CEP162: variants seen among roughly 807,000 people sequenced by gnomAD.
The protein encoded by CEP162 is centrosomal protein of 162 kDa.
CEP162 carries 141 observed loss-of-function variants against 169.2 expected under a neutral mutation model. That is an observed-to-expected ratio of 0.83 (90% CI 0.73 to 0.96). The LOEUF (loss-of-function observed/expected upper bound fraction) is 0.96. Ranked by LOEUF, CEP162 falls within the 40% of genes least tolerant of loss-of-function variation. The pLI is 0.00. For synonymous variants in CEP162, 540 were observed against 526.4 expected, an observed-to-expected ratio of 1.03 and a Z score of -0.35; for missense variants, 1,600 against 1,587.2, an observed-to-expected ratio of 1.01 and a Z score of -0.14.
At chr6:84,165,258 T>C (rs1006028477) in intron 18 of CEP162, among the ~76,000 whole-genome samples, 4 of 151,956 alleles carry the variant, frequency 2.6e-5, no homozygotes, top group Admixed American at 2.6e-4. Flanking sequence ...CCACCTGACA[T>C]ATAAAATGCA....
chr6:84,159,492 A>G lies in CEP162; in HGVS notation c.2781+1320T>C, dbSNP rs538062229. Among the ~76,000 whole-genome samples, 7 of 136,452 alleles carry G rather than the reference A, an allele frequency of 5.1e-5. No homozygotes were observed. In the South Asian group the frequency reaches 1.6e-3, roughly 31 times the overall value. The allele number at this position is 136,452 out of a possible 152,430, so 89.5% of individuals were successfully genotyped here. ...AATGCTGGACTATACTTACTTCAGAATATTTCTAGTTCTTTTTTAAAATTA... is the reference window on the plus strand; with the variant it reads ...AATGCTGGACTATACTTACTTCAGAGTATTTCTAGTTCTTTTTTAAAATTA... On this transcript the variant is annotated intron_variant, in intron 21 of 26. Transcript: ENST00000403245.
At chr6:84,136,170 T>C (rs974445885) in intron 25 of CEP162, among the ~76,000 whole-genome samples, 1 of 152,240 alleles carries the variant, frequency 6.6e-6, no homozygotes, top group Non-Finnish European at 1.5e-5. Flanking sequence ...GGATAACTAC[T>C]GGACAAAAAC....
chr6:84,195,093 A>C lies in CEP162; in HGVS notation c.836-18T>G. The stretch of plus-strand genomic sequence containing the variant: ...AGAAACACCTGTTGAAATAAACGTA[A>C]TCACCAGAAATAATTACATCACAAA... On this transcript the variant is annotated intron_variant, in intron 9 of 26. Transcript: ENST00000403245. 1 of 1,521,876 alleles carries C rather than the reference A, an allele frequency of 6.6e-7. No individual in the cohort carries two copies. The highest frequency in any genetic ancestry group is 8.9e-7 in the Non-Finnish European group (1 of 1,129,150). 94.3% of individuals were successfully genotyped at this position (1,521,876 alleles called of 1,614,324 possible). A position where few individuals can be genotyped will look rare whatever the true frequency, so the allele number is the denominator to read the frequency against.
At position 84,125,229 on chromosome 6, in the gene CEP162, T is replaced by G. The variant is rs760933800; in HGVS notation, c.4053A>C (p.Glu1351Asp). The stretch of plus-strand genomic sequence containing the variant: ...GTGCCAGTCTTTTCCATTTTTCAAC[T>G]TCTTTGTTTTGCTCAGTTTCTACTA... ...HQVVETEQNK[E>D]VEKWKRLAQL... Residue 1351 changes from glutamate to aspartate, a missense_variant, in exon 27 of 27, where the codon GAA becomes GAC. Physicochemically the swap from Glu to Asp is conservative, Grantham distance 45. Transcript: ENST00000403245. 2 of 1,613,578 alleles carry G rather than the reference T, an allele frequency of 1.2e-6. No individual in the cohort carries two copies. The highest frequency in any genetic ancestry group is 1.7e-6 in the Non-Finnish European group (2 of 1,179,666).
chr6:84,129,451 T>C (rs569588166), intron 25 of CEP162, among the ~76,000 whole-genome samples: 1 of 152,356 alleles, frequency 6.6e-6, no homozygotes, highest in South Asian at 2.1e-4. Context: ...GATGAGCTTT[T>C]TTTCATATGT....
chr6:84,161,633 A>G, intron 20 of CEP162, 113 bp downstream of exon 20: 1 of 777,242 alleles, frequency 1.3e-6, no homozygotes, highest in Non-Finnish European at 2.1e-6. Flanking sequence ...GATCTTAATT[A>G]ATAGTTCAGA....
At chr6:84,169,204 G>C in intron 18 of CEP162, 124 bp downstream of exon 18, 3 of 617,722 alleles carry the variant, frequency 4.9e-6, no homozygotes, top group Non-Finnish European at 5.5e-6. Flanking sequence ...AGTTTTAAAT[G>C]GTATGAAATT....
chr6:84,127,785 G>A (rs1049947746), intron 25 of CEP162, among the ~76,000 whole-genome samples: 14 of 152,092 alleles, frequency 9.2e-5, no homozygotes, highest in Non-Finnish European at 1.6e-4. Context: ...AAACAGTCAA[G>A]TGAATGAGAA....
rs753188338 is a variant in CEP162 at position 84,186,514 on chromosome 6, CA to C, written c.1218del (p.Phe406LeufsTer8). ...AAAATCACATTCTCATCATTTTTGT[CA>C]AAAAAAAGGTTCACATGTTGTGAGT... ...SQDSQHVNLF[F>X]DKNDENVILQ... On this transcript the variant is annotated frameshift_variant, in exon 12 of 27. Coordinates refer to ENST00000403245, the MANE Select transcript of CEP162 (RefSeq NM_014895.4). LOFTEE classifies it high-confidence loss of function. The C allele has an allele frequency of 6.4e-5, 103 of 1,608,808 alleles. No homozygotes were observed. The highest frequency in any genetic ancestry group is 2.2e-4 in the East Asian group (10 of 44,724).
At chr6:84,196,141 T>C (rs1015016514) in intron 9 of CEP162, among the ~76,000 whole-genome samples, 1 of 152,198 alleles carries the variant, frequency 6.6e-6, no homozygotes, top group African/African-American at 2.4e-5. Flanking sequence ...ACTCCCACAA[T>C]TCTCATGTGT....
At chr6:84,150,430 A>G (rs1429177622) in intron 23 of CEP162, among the ~76,000 whole-genome samples, 1 of 152,176 alleles carries the variant, frequency 6.6e-6, no homozygotes, top group Non-Finnish European at 1.5e-5. Flanking sequence ...CTATATATTA[A>G]TATGGTGCTT....
At chr6:84,165,110 C>CA (rs1356030556) in intron 18 of CEP162, among the ~76,000 whole-genome samples, 2 of 151,672 alleles carry the variant, frequency 1.3e-5, no homozygotes, top group African/African-American at 4.8e-5. Flanking sequence ...GATAGCCAGG[C>CA]AGTTTCCTCC....
chr6:84,144,545 A>G (rs2099518042), intron 25 of CEP162, among the ~76,000 whole-genome samples: 1 of 152,122 alleles, frequency 6.6e-6, no homozygotes, highest in South Asian at 2.1e-4. Flanking sequence ...CTATAAATAC[A>G]AAGTGTTTTT....
rs1562058140 is a variant in CEP162, at chr6:84,186,570, A to C, written c.1163T>G (p.Leu388Arg). ...KETEFFSSLP[L>R]KMNPNILSQD... ...AGACAAAATATTTGGGTTCATCTTC[A>C]GGGGTAAAGAGCTAAAAAATTCAGT... The change falls in exon 12 of 27, where the codon CTG becomes CGG. Residue 388 changes from leucine (L) to arginine (R), a missense_variant. By Grantham distance (102) the Leu-to-Arg change is moderately radical. Coordinates refer to ENST00000403245, the MANE Select transcript of CEP162 (RefSeq NM_014895.4). 6.2e-7 allele frequency: 1 copy of C among 1,610,098 alleles called. No individual in the cohort carries two copies. The highest frequency in any genetic ancestry group is 8.5e-7 in the Non-Finnish European group (1 of 1,178,294).
rs1562106245 is a variant in CEP162, at chr6:84,226,463, A to T, written c.-59-11T>A. 3 of 1,075,886 alleles carry T rather than the reference A, an allele frequency of 2.8e-6. No homozygotes were observed. The highest frequency in any genetic ancestry group is 1.4e-6 in the Non-Finnish European group (1 of 720,454). 66.6% of individuals were successfully genotyped at this position (1,075,886 alleles called of 1,614,324 possible). A position where few individuals can be genotyped will look rare whatever the true frequency, so the allele number is the denominator to read the frequency against. ...CAAACATTGGAAACACTAAATGACA[A>T]GAGACATAAACATCTTTTGAGGAAA... On this transcript the variant is annotated splice_polypyrimidine_tract_variant and intron_variant, in intron 1 of 26. Coordinates refer to ENST00000403245, the MANE Select transcript of CEP162 (RefSeq NM_014895.4).
At chr6:84,138,172 T>C (rs555856647) in intron 25 of CEP162, among the ~76,000 whole-genome samples, 223 of 152,322 alleles carry the variant, frequency 1.5e-3, no homozygotes, top group Non-Finnish European at 2.3e-3. Flanking sequence ...CGATGTATAG[T>C]GTACTTTCAC....
chr6:84,146,670 T>C lies in CEP162; in HGVS notation c.3870+17A>G. On this transcript the variant is annotated intron_variant, in intron 25 of 26. Coordinates refer to ENST00000403245, the MANE Select transcript of CEP162 (RefSeq NM_014895.4). Reference sequence around the variant, plus strand: ...AAGAAAAACTTATTTTAGCCCAATATTTTGGCCATTTCTTACCTCTTTCTG... The same window carrying C: ...AAGAAAAACTTATTTTAGCCCAATACTTTGGCCATTTCTTACCTCTTTCTG... 2 of 1,248,178 alleles carry C rather than the reference T, an allele frequency of 1.6e-6. No homozygotes were observed. The highest frequency in any genetic ancestry group is 2.3e-6 in the Non-Finnish European group (2 of 888,508). 77.3% of individuals were successfully genotyped at this position (1,248,178 alleles called of 1,614,324 possible).
In CEP162 at chr6:84,186,402, T is replaced by A; in HGVS notation, c.1331A>T (p.Tyr444Phe). Residue 444 changes from tyrosine to phenylalanine, a missense_variant, in exon 12 of 27, where the codon TAC (tyrosine) becomes TTC (phenylalanine). Tyr to Phe is a conservative substitution (Grantham distance 22, BLOSUM62 3). Coordinates refer to ENST00000403245, the MANE Select transcript of CEP162 (RefSeq NM_014895.4). ...TATTTTTTTCCTCAAAATATTAAGGTACATTTTATCAACATGTTCTTCTGT... is the reference window on the plus strand; with the variant it reads ...TATTTTTTTCCTCAAAATATTAAGGAACATTTTATCAACATGTTCTTCTGT... ...TATEEHVDKMYLNILRKKITV... is the reference protein window; with the variant it reads ...TATEEHVDKMFLNILRKKITV... 1 of 1,559,816 alleles carries A rather than the reference T, an allele frequency of 6.4e-7. No homozygotes were observed. Among genetic ancestry groups the A allele is most frequent in the Non-Finnish European group, 8.8e-7 (1 of 1,130,594 alleles).
In CEP162 at chr6:84,191,584, T is replaced by C. The variant is rs544748278; in HGVS notation, c.1109+2025A>G. On this transcript the variant is annotated intron_variant, in intron 11 of 26. Coordinates refer to ENST00000403245, the MANE Select transcript of CEP162 (RefSeq NM_014895.4). ...GAAGTATATAACCCTGTCTTTTTAATTATAACCCTGTCTTTTTAATTCAAC... is the reference window on the plus strand; with the variant it reads ...GAAGTATATAACCCTGTCTTTTTAACTATAACCCTGTCTTTTTAATTCAAC... Among the ~76,000 whole-genome samples the C allele has an allele frequency of 3.3e-5, 5 of 152,274 alleles. No individual in the cohort carries two copies. The East Asian group carries it at 9.6e-4, about 29-fold the overall frequency.
Sources: gnomAD v4.1 joint callset for allele counts (sites outside exome capture counted in the v4.1 genomes callset) on GRCh38, gnomAD v4.1.1 for gene constraint, MANE v1.5 for transcripts, NCBI Gene and HGNC (gene_info 2026-07-23, HGNC 2026-07-21) for gene names.